Variants in CSMD1 observed in about 807,000 individuals in gnomAD.
CSMD1 encodes the protein CUB and Sushi multiple domains 1.
In CSMD1, 213 loss-of-function variants were observed where a neutral mutation model predicts 417.5. That is an observed-to-expected ratio of 0.51 (90% CI 0.46 to 0.57). CSMD1 has a LOEUF of 0.57. Ranked by LOEUF, CSMD1 falls within the 20% of genes least tolerant of loss-of-function variation. The pLI, the probability that CSMD1 is intolerant of heterozygous loss-of-function variation, is 0.00. For synonymous variants in CSMD1, 2,862 were observed against 1,736.8 expected (o/e 1.65, Z -16.11); for missense variants, 6,923 against 4,529.7 (o/e 1.53, Z -15.17).
intron 2 of CSMD1, among the ~76,000 whole-genome samples, chr8:4,445,699 G>C (rs982646776): frequency 2.6e-5 from 4 of 152,144 alleles, no homozygotes; most frequent in African/African-American, 7.2e-5. Flanking sequence ...CCACAACTTG[G>C]AAGGAATTTC....
In CSMD1 at chr8:3,334,737, C is replaced by T. The variant is rs529641173; in HGVS notation, c.3631+8557G>A. On this transcript the variant is annotated intron_variant, in intron 23 of 69. Transcript: ENST00000635120. ...ATGGGCCATTTTACAGAATGGATGC[C>T]ATTCTTTTTTATTTCACATTGAATT... Among the ~76,000 whole-genome samples the T allele has an allele frequency of 8.6e-4, 131 of 152,192 alleles. 1 individual carries two copies. Among genetic ancestry groups the T allele is most frequent in the Non-Finnish European group, 1.7e-3 (119 of 68,034 alleles).
At chr8:4,702,879 T>C (rs1807672592) in intron 1 of CSMD1, among the ~76,000 whole-genome samples, 1 of 152,134 alleles carries the variant, frequency 6.6e-6, no homozygotes, top group South Asian at 2.1e-4. Flanking sequence ...TATTTAAAAG[T>C]CTCTAAAAAG....
At chr8:3,270,930 T>A (rs1337566824) in intron 26 of CSMD1, among the ~76,000 whole-genome samples, 5 of 81,424 alleles carry the variant, frequency 6.1e-5, no homozygotes, top group Admixed American at 3.9e-4. Flanking sequence ...TTTAATTTTT[T>A]ATTTATTATT....
chr8:4,875,296 G>C (rs551607374), intron 1 of CSMD1, among the ~76,000 whole-genome samples: 2 of 152,134 alleles, frequency 1.3e-5, no homozygotes, highest in East Asian at 1.9e-4. Context: ...CTGATTCTCA[G>C]TTCGAAAATA....
At chr8:4,365,614 T>A (rs1802025116) in intron 3 of CSMD1, among the ~76,000 whole-genome samples, 1 of 152,240 alleles carries the variant, frequency 6.6e-6, no homozygotes, top group South Asian at 2.1e-4. Context: ...TGTACTTGAT[T>A]TGTTTACTCT....
chr8:4,786,505 G>C (rs1021127815), intron 1 of CSMD1, among the ~76,000 whole-genome samples: 1 of 152,156 alleles, frequency 6.6e-6, no homozygotes, highest in Admixed American at 6.5e-5. Context: ...TTGGCAATGA[G>C]ATGTAAATTG....
At chr8:3,500,448 C>T (rs916607261) in intron 10 of CSMD1, among the ~76,000 whole-genome samples, 2 of 152,072 alleles carry the variant, frequency 1.3e-5, no homozygotes, top group African/African-American at 2.4e-5. Flanking sequence ...GGGTCCCTAA[C>T]CACAGATGCC....
intron 5 of CSMD1, among the ~76,000 whole-genome samples, chr8:3,913,449 G>T (rs1808593043): frequency 6.6e-6 from 1 of 152,146 alleles, no homozygotes; most frequent in Non-Finnish European, 1.5e-5. Context: ...GAAGGGAAAT[G>T]TAACCTCCAG....
chr8:3,991,451 A>G (rs570515378), intron 5 of CSMD1, among the ~76,000 whole-genome samples: 26 of 152,292 alleles, frequency 1.7e-4, no homozygotes, highest in Non-Finnish European at 3.4e-4. Context: ...CTTGTCATTC[A>G]TGTGTCCTCT....
chr8:4,899,625 T>G (rs1804733456), intron 1 of CSMD1, among the ~76,000 whole-genome samples: 2 of 152,174 alleles, frequency 1.3e-5, no homozygotes, highest in South Asian at 4.1e-4. Flanking sequence ...ACATAACATA[T>G]AGGGTTTTGT....
rs563737320 is a variant in CSMD1, at chr8:4,265,415, C to A, written c.415+154538G>T. ...CAGTTAATGCACCATATTCAGAGTT[C>A]TTCAAAGCCAGTTGAAAAAGTGTCC... is the stretch of plus-strand genomic sequence containing the variant. On this transcript the variant is annotated intron_variant, in intron 3 of 69. Coordinates refer to ENST00000635120, the MANE Select transcript of CSMD1 (RefSeq NM_033225.6). Among the ~76,000 whole-genome samples the A allele has an allele frequency of 1.7e-3, 76 of 45,678 alleles. 10 individuals are homozygous for A. The highest frequency in any genetic ancestry group is 2.7e-3 in the African/African-American group (73 of 26,932). The allele number at this position is 45,678 out of a possible 152,430, so 30.0% of individuals were successfully genotyped here.
chr8:4,432,572 G>A (rs1193823756), intron 2 of CSMD1, among the ~76,000 whole-genome samples: 4 of 152,130 alleles, frequency 2.6e-5, no homozygotes, highest in African/African-American at 9.7e-5. Flanking sequence ...ATGACTTAAA[G>A]ACAGGCAGTA....
rs182547636 is a variant in CSMD1, at chr8:4,846,020, T to C, written c.85+148312A>G. ...TATACTGGCCATCCACTTTCTCACT[T>C]CTTTGTTTTTCCAGAATGAGCACTT... On this transcript the variant is annotated intron_variant, in intron 1 of 69. Transcript: ENST00000635120. Among the ~76,000 whole-genome samples, 52 of 152,314 alleles carry C rather than the reference T, an allele frequency of 3.4e-4. No individual in the cohort carries two copies. The East Asian group carries it at 8.9e-3, about 26-fold the overall frequency.
At chr8:3,374,631 G>C (rs928249898) in intron 18 of CSMD1, among the ~76,000 whole-genome samples, 2 of 152,116 alleles carry the variant, frequency 1.3e-5, no homozygotes, top group East Asian at 3.9e-4. Flanking sequence ...AGGATGGTGA[G>C]TATGGAGTAA....
At chr8:3,331,563 A>C (rs1806898339) in intron 23 of CSMD1, among the ~76,000 whole-genome samples, 3 of 152,204 alleles carry the variant, frequency 2.0e-5, no homozygotes, top group African/African-American at 7.2e-5. Context: ...TTTAAACTGA[A>C]AATAACAAAA....
At chr8:4,845,616 T>C (rs1405018341) in intron 1 of CSMD1, among the ~76,000 whole-genome samples, 2 of 152,190 alleles carry the variant, frequency 1.3e-5, no homozygotes, top group Non-Finnish European at 2.9e-5. Context: ...TGCCAGGCTC[T>C]CTTTTAGGAG....
At chr8:3,661,543 C>G (rs1363354596) in intron 7 of CSMD1, among the ~76,000 whole-genome samples, 4 of 151,688 alleles carry the variant, frequency 2.6e-5, no homozygotes, top group Non-Finnish European at 2.9e-5. Context: ...ATCACCCAGG[C>G]TGCAGTGCGG....
chr8:3,544,702 A>C (rs370927659), intron 10 of CSMD1, among the ~76,000 whole-genome samples: 1 of 152,126 alleles, frequency 6.6e-6, no homozygotes, highest in East Asian at 1.9e-4. Context: ...GGAGCCACAG[A>C]AGCTTGACTA....
At chr8:4,130,912 GGATT>G (rs1563163194) in intron 3 of CSMD1, among the ~76,000 whole-genome samples, 1 of 151,600 alleles carries the variant, frequency 6.6e-6, no homozygotes. Flanking sequence ...TTGGATGGAC[GGATT>G]AATTATTCAG....
Sources: allele counts gnomAD v4.1 joint callset (sites outside exome capture counted in the v4.1 genomes callset), GRCh38; gene constraint gnomAD v4.1.1; transcripts MANE v1.5; gene names NCBI Gene and HGNC (gene_info 2026-07-23, HGNC 2026-07-21).